RANBP2: variants seen among roughly 807,000 people sequenced by gnomAD.
RANBP2 encodes the protein RAN binding protein 2, also known as E3 SUMO-protein ligase RanBP2.
Under a neutral mutation model 303.6 loss-of-function variants are expected in RANBP2, and 57 were observed. That is an observed-to-expected ratio of 0.19 (90% CI 0.15 to 0.23). The LOEUF is 0.23. RANBP2 is among the 10% of genes least tolerant of loss of function. The pLI is 1.00. For synonymous variants in RANBP2, 1,167 were observed against 1,301.5 expected, an observed-to-expected ratio of 0.90 and a Z score of 2.23; for missense variants, 3,138 against 3,780.8, an observed-to-expected ratio of 0.83 and a Z score of 4.46.
the RANBP2 span, among the ~76,000 whole-genome samples, chr2:109,448,963 C>T: frequency 2.6e-5 from 4 of 152,218 alleles, no homozygotes; most frequent in Admixed American, 2.6e-4. Context: ...CCCCTGATCC[C>T]TTGGGCTTTG....
the RANBP2 span, among the ~76,000 whole-genome samples, chr2:108,931,344 G>A: frequency 1.3e-5 from 2 of 152,208 alleles, no homozygotes; most frequent in African/African-American, 2.4e-5. Context: ...GAGAAACCTA[G>A]CCTTACATGA....
chr2:108,944,409 C>T, the RANBP2 span, among the ~76,000 whole-genome samples: 4 of 152,168 alleles, frequency 2.6e-5, no homozygotes, highest in South Asian at 2.1e-4. Context: ...CCACCGTGCC[C>T]GGCCCAGGAA....
chr2:109,182,608 GT>G, the RANBP2 span, among the ~76,000 whole-genome samples: 1 of 152,318 alleles, frequency 6.6e-6, no homozygotes, highest in Admixed American at 6.5e-5. Context: ...ATGAATCGAT[GT>G]TGCGTAAATT....
the RANBP2 span, chr2:109,553,110 T>G: frequency 6.2e-7 from 1 of 1,613,238 alleles, no homozygotes; most frequent in East Asian, 2.2e-5. Context: ...TCTTTCAATA[T>G]GGCTTCTTTC....
chr2:109,177,551 G>A, the RANBP2 span, among the ~76,000 whole-genome samples: 2 of 151,656 alleles, frequency 1.3e-5, no homozygotes, highest in South Asian at 4.2e-4. Flanking sequence ...ACCTGCTCTG[G>A]GGGGGGGCAC....
the RANBP2 span, among the ~76,000 whole-genome samples, chr2:109,247,657 C>T: frequency 2.0e-5 from 3 of 151,550 alleles, no homozygotes; most frequent in Non-Finnish European, 4.4e-5. Flanking sequence ...TGCGTTAGCT[C>T]TTCCTTTGTT....
Position 108,765,194 on chromosome 2 carries a change from G to T in RANBP2, c.4655G>T (p.Cys1552Phe). Residue 1552 changes from cysteine to phenylalanine, a missense_variant, in exon 20 of 29, where the codon TGC becomes TTC. Cys to Phe is a radical substitution (Grantham distance 205). Transcript: ENST00000283195. ...KKEGQWDCSS[C>F]LVRNEANATR... ...GAAGGACAGTGGGATTGCAGTTCAT[G>T]CTTAGTGCGAAATGAAGCAAATGCT... 4 of 1,614,166 alleles carry T rather than the reference G, an allele frequency of 2.5e-6. No individual in the cohort carries two copies. The South Asian group carries it at 4.4e-5, about 18-fold the overall frequency.
At chr2:108,975,539 G>A in the RANBP2 span, among the ~76,000 whole-genome samples, 1 of 152,224 alleles carries the variant, frequency 6.6e-6, no homozygotes, top group Non-Finnish European at 1.5e-5. Context: ...AGTGAGAAGA[G>A]GTGGGTGGGT....
At chr2:109,217,750 C>T in the RANBP2 span, among the ~76,000 whole-genome samples, 8 of 152,194 alleles carry the variant, frequency 5.3e-5, no homozygotes, top group Non-Finnish European at 8.8e-5. Context: ...TATGGCCACT[C>T]AACTAATAGA....
the RANBP2 span, among the ~76,000 whole-genome samples, chr2:108,995,005 T>G: frequency 6.6e-6 from 1 of 151,832 alleles, no homozygotes; most frequent in East Asian, 1.9e-4. Context: ...AATTTTTTTG[T>G]ATTTTTAGTA....
chr2:108,890,435 C>T, the RANBP2 span, among the ~76,000 whole-genome samples: 7 of 151,768 alleles, frequency 4.6e-5, no homozygotes, highest in South Asian at 2.1e-4. Flanking sequence ...GGTAGAGAAG[C>T]GGTTTTGCCA....
chr2:109,227,313 A>G, the RANBP2 span, among the ~76,000 whole-genome samples: 1 of 152,184 alleles, frequency 6.6e-6, no homozygotes, highest in Non-Finnish European at 1.5e-5. Flanking sequence ...ACAAAGCTAC[A>G]CGTCCATGCC....
At chr2:109,155,191 G>A in the RANBP2 span, among the ~76,000 whole-genome samples, 2 of 152,208 alleles carry the variant, frequency 1.3e-5, no homozygotes, top group African/African-American at 4.8e-5. Flanking sequence ...TTGCTATGCT[G>A]ATGTTCAGTG....
At chr2:108,863,478 C>G in the RANBP2 span, among the ~76,000 whole-genome samples, 1 of 152,090 alleles carries the variant, frequency 6.6e-6, no homozygotes. Context: ...TTAGTGAGGG[C>G]AGAGAAGTAG....
chr2:109,517,346 A>G, the RANBP2 span, among the ~76,000 whole-genome samples: 1 of 152,138 alleles, frequency 6.6e-6, no homozygotes, highest in Non-Finnish European at 1.5e-5. Context: ...TCCATGCTCA[A>G]TAAAGCCTGA....
At chr2:109,721,272 C>A in the RANBP2 span, among the ~76,000 whole-genome samples, 1 of 152,174 alleles carries the variant, frequency 6.6e-6, no homozygotes, top group Non-Finnish European at 1.5e-5. Flanking sequence ...CCCAAGGAAG[C>A]AAAGCCAGAC....
chr2:108,912,578 G>C, the RANBP2 span: 4 of 1,159,554 alleles, frequency 3.4e-6, no homozygotes, highest in Non-Finnish European at 2.5e-6. Flanking sequence ...GTGGGGAAGC[G>C]CACCATAATC....
chr2:109,168,518 C>A, the RANBP2 span, among the ~76,000 whole-genome samples: 3 of 152,182 alleles, frequency 2.0e-5, no homozygotes, highest in African/African-American at 4.8e-5. Flanking sequence ...CAGAGGGGGA[C>A]CTTCTGCAAC....
At chr2:109,199,627 T>TCAACCCGACTGCAGG in the RANBP2 span, among the ~76,000 whole-genome samples, 1 of 94 alleles carries the variant, frequency 0.011, no homozygotes, top group Non-Finnish European at 0.024. Flanking sequence ...TGGAATGGAA[T>TCAACCCGACTGCAGG]GGAATGGAAT....
Sources: allele counts gnomAD v4.1 joint callset (sites outside exome capture counted in the v4.1 genomes callset), GRCh38; gene constraint gnomAD v4.1.1; transcripts MANE v1.5; gene names NCBI Gene and HGNC (gene_info 2026-07-23, HGNC 2026-07-21).